The following DNAI1 variants were observed in gnomAD, a reference collection of about 807,000 sequenced individuals.
DNAI1 encodes the protein dynein axonemal intermediate chain 1, also known as dynein, axonemal, intermediate polypeptide 1.
A neutral mutation model predicts 92.0 loss-of-function variants in DNAI1; 67 were observed. The ratio of observed to expected loss-of-function variants is 0.73; its 90% CI spans 0.60 to 0.89. The LOEUF (loss-of-function observed/expected upper bound fraction) is 0.89, where lower values mean the gene tolerates loss of function less well. DNAI1 is among the 40% of genes least tolerant of loss of function. DNAI1 has a pLI of 0.00. For missense variants in DNAI1, 839 were observed against 866.6 expected (o/e 0.97, Z 0.40); for synonymous variants, 323 against 319.6 (o/e 1.01, Z -0.11).
chr9:34,517,483 C>T lies in DNAI1; in HGVS notation c.2001+16C>T, dbSNP rs1825192896. On this transcript the variant is annotated intron_variant, in intron 19 of 19. Transcript: ENST00000242317. ...GATGCCAAAGGTACAGGCTCTGGGA[C>T]TTTGAGCTGCTGCAAGACGTAAAGT... 3 of 1,613,986 alleles carry T rather than the reference C, an allele frequency of 1.9e-6. No individual in the cohort carries two copies. Among genetic ancestry groups the T allele is most frequent in the Non-Finnish European group, 8.5e-7 (1 of 1,180,010 alleles).
At chr9:34,459,883 T>G (rs1312193550) in intron 1 of DNAI1, among the ~76,000 whole-genome samples, 1 of 151,686 alleles carries the variant, frequency 6.6e-6, no homozygotes, top group Non-Finnish European at 1.5e-5. Flanking sequence ...TGTGCAGGAG[T>G]GTGATTTTAT....
chr9:34,500,898 C>A, intron 11 of DNAI1, 59 bp downstream of exon 11: 1 of 1,324,248 alleles, frequency 7.6e-7, no homozygotes, highest in Non-Finnish European at 1.1e-6. Flanking sequence ...ATCCCAAACC[C>A]CCAGTACCCC....
At chr9:34,496,664 G>C (rs1564035436) in intron 9 of DNAI1, among the ~76,000 whole-genome samples, 1 of 152,136 alleles carries the variant, frequency 6.6e-6, no homozygotes, top group Non-Finnish European at 1.5e-5. Context: ...CTGAGTAAGG[G>C]ATAAAACCAC....
rs9657620 is a variant in DNAI1 at position 34,512,554 on chromosome 9, G to A, written c.1489+130G>A. Reference sequence around the variant, plus strand: ...CTGTGCCAGGGCCTGACAGGAGATTGTAGGAAGGCCCGGCCCTGTCTGCTG... The same window carrying A: ...CTGTGCCAGGGCCTGACAGGAGATTATAGGAAGGCCCGGCCCTGTCTGCTG... On this transcript the variant is annotated intron_variant, in intron 15 of 19. Coordinates refer to ENST00000242317, the MANE Select transcript of DNAI1 (RefSeq NM_012144.4). 0.4 allele frequency: 356,408 copies of A among 896,828 alleles called. 73,660 individuals are homozygous for A. Among genetic ancestry groups the A allele is most frequent in the African/African-American group, 0.59 (35,394 of 60,380 alleles). The allele number at this position is 896,828 out of a possible 1,614,324, so 55.6% of individuals were successfully genotyped here.
intron 8 of DNAI1, 117 bp from the exon 9 acceptor site, chr9:34,493,077 G>A (rs1824640532): frequency 7.3e-7 from 1 of 1,373,818 alleles, no homozygotes; most frequent in Admixed American, 1.7e-5. Flanking sequence ...AGGCCAAGTA[G>A]AAGATGCTTG....
Position 34,493,233 on chromosome 9 carries a change from C to A in DNAI1, c.721C>A (p.Gln241Lys). The change falls in exon 9 of 20, where the codon CAG becomes AAG. Residue 241 changes from glutamine to lysine, a missense_variant. By Grantham distance (53) the Gln-to-Lys change is moderately conservative. Coordinates refer to ENST00000242317, the MANE Select transcript of DNAI1 (RefSeq NM_012144.4). ...YDAYVEELEKQEKTKEKEKAK... is the reference protein window; with the variant it reads ...YDAYVEELEKKEKTKEKEKAK... The stretch of plus-strand genomic sequence containing the variant: ...TGCCTATGTAGAGGAACTTGAGAAG[C>A]AGGAAAAGACCAAAGAGAAGGAGAA... The A allele has an allele frequency of 6.2e-7, 1 of 1,614,122 alleles. No individual in the cohort carries two copies.
At chr9:34,496,066 G>A (rs560778834) in intron 9 of DNAI1, among the ~76,000 whole-genome samples, 263 of 152,292 alleles carry the variant, frequency 1.7e-3, no homozygotes, top group African/African-American at 6.2e-3. Context: ...AACTGGGTTA[G>A]ACACTAACAT....
chr9:34,498,665 G>A (rs1824770842), intron 10 of DNAI1, among the ~76,000 whole-genome samples: 1 of 152,206 alleles, frequency 6.6e-6, no homozygotes, highest in South Asian at 2.1e-4. Context: ...ATTTCCCTAA[G>A]AGGTTGTGCA....
At chr9:34,498,413 G>A (rs1824766304) in intron 10 of DNAI1, among the ~76,000 whole-genome samples, 1 of 152,204 alleles carries the variant, frequency 6.6e-6, no homozygotes, top group Non-Finnish European at 1.5e-5. Flanking sequence ...TCGAACACAG[G>A]CCCCTTGGAT....
chr9:34,460,009 C>T (rs1302894396), intron 1 of DNAI1, among the ~76,000 whole-genome samples: 1 of 152,194 alleles, frequency 6.6e-6, no homozygotes, highest in Non-Finnish European at 1.5e-5. Flanking sequence ...CACTCTGCCC[C>T]AACTATTTCT....
chr9:34,458,904 T>C lies in DNAI1; in HGVS notation c.-102T>C. 1 of 1,048,138 alleles carries C rather than the reference T, an allele frequency of 9.5e-7. No individual in the cohort carries two copies. The highest frequency in any genetic ancestry group is 1.5e-6 in the Non-Finnish European group (1 of 671,866). 64.9% of individuals were successfully genotyped at this position (1,048,138 alleles called of 1,614,324 possible). A position where few individuals can be genotyped will look rare whatever the true frequency, so the allele number is the denominator to read the frequency against. ...CTAAAGAACCGTTGCGACTGGTAACTGAAGTGGAAGAGAGTCCAGATTTCT... is the reference window on the plus strand; with the variant it reads ...CTAAAGAACCGTTGCGACTGGTAACCGAAGTGGAAGAGAGTCCAGATTTCT... On this transcript the variant is annotated 5_prime_UTR_variant, in exon 1 of 20. Coordinates refer to ENST00000242317, the MANE Select transcript of DNAI1 (RefSeq NM_012144.4). The surrounding 1 kb of genome is among the most constrained non-coding windows in gnomAD (Gnocchi z 6.6).
chr9:34,483,847 A>G (rs1824421674), intron 2 of DNAI1, among the ~76,000 whole-genome samples: 2 of 152,226 alleles, frequency 1.3e-5, no homozygotes, highest in African/African-American at 4.8e-5. Flanking sequence ...AAATTACTAC[A>G]TAATATTTTA....
chr9:34,484,154 A>T (rs1370643051), intron 2 of DNAI1, among the ~76,000 whole-genome samples: 1 of 152,204 alleles, frequency 6.6e-6, no homozygotes, highest in Non-Finnish European at 1.5e-5. Flanking sequence ...GGTGGAGGTT[A>T]TAGTGAGCCG....
intron 1 of DNAI1, among the ~76,000 whole-genome samples, chr9:34,474,442 GC>G (rs1183939949): frequency 6.6e-6 from 1 of 150,928 alleles, no homozygotes; most frequent in Admixed American, 6.6e-5. Context: ...TCACTATGTT[GC>G]CCAGGCTGGT....
Position 34,485,525 on chromosome 9 carries a change from A to G in DNAI1, c.261+8A>G, listed in dbSNP as rs757264175. On this transcript the variant is annotated splice_region_variant and intron_variant, in intron 4 of 19. Coordinates refer to ENST00000242317, the MANE Select transcript of DNAI1 (RefSeq NM_012144.4). ...GTCAGGTACAGCTTCAAAGTAAGTCATCCCCTCCTGGGCAGGGGCATCTAT... is the reference window on the plus strand; with the variant it reads ...GTCAGGTACAGCTTCAAAGTAAGTCGTCCCCTCCTGGGCAGGGGCATCTAT... 1.2e-6 allele frequency: 2 copies of G among 1,613,946 alleles called. No individual in the cohort carries two copies. The highest frequency in any genetic ancestry group is 4.5e-5 in the East Asian group (2 of 44,882).
At position 34,500,785 on chromosome 9, in the gene DNAI1, T is replaced by G. The variant is rs1248446185; in HGVS notation, c.965T>G (p.Leu322Arg). The G allele has an allele frequency of 6.2e-7, 1 of 1,614,146 alleles. No individual in the cohort carries two copies. The highest frequency in any genetic ancestry group is 1.7e-5 in the Admixed American group (1 of 60,018). ...YRDQVGTLLPLWKFQNDKAKR... is the reference protein window; with the variant it reads ...YRDQVGTLLPRWKFQNDKAKR... The stretch of plus-strand genomic sequence containing the variant: ...GACCAGGTGGGTACCCTGCTGCCGC[T>G]CTGGAAGTTCCAAAATGACAAAGCC... The change falls in exon 11 of 20, where the codon CTC becomes CGC. Residue 322 changes from leucine (L) to arginine (R), a missense_variant. Leu to Arg is a moderately radical substitution (Grantham distance 102). Coordinates refer to ENST00000242317, the MANE Select transcript of DNAI1 (RefSeq NM_012144.4).
chr9:34,493,158 C>G (rs1205707936), intron 8 of DNAI1, 36 bp from the exon 9 acceptor site: 1 of 1,613,970 alleles, frequency 6.2e-7, no homozygotes, highest in South Asian at 1.1e-5. Context: ...AAAGATTGCA[C>G]CTTACAATGA....
At chr9:34,482,837 G>A (rs950707418) in intron 1 of DNAI1, among the ~76,000 whole-genome samples, 8 of 152,216 alleles carry the variant, frequency 5.3e-5, no homozygotes, top group South Asian at 2.1e-4. Flanking sequence ...GGGGAGGCTG[G>A]GGCCGCACAA....
intron 1 of DNAI1, among the ~76,000 whole-genome samples, chr9:34,470,361 C>G (rs2132044131): frequency 6.6e-6 from 1 of 152,046 alleles, no homozygotes; most frequent in South Asian, 2.1e-4. Context: ...TTGCCTGTTA[C>G]AAGAAATATA....
Sources: gnomAD v4.1 joint callset for allele counts (sites outside exome capture counted in the v4.1 genomes callset) on GRCh38, gnomAD v4.1.1 for gene constraint, Gnocchi (gnomAD v3.1) non-coding constraint, MANE v1.5 for transcripts, NCBI Gene and HGNC (gene_info 2026-07-23, HGNC 2026-07-21) for gene names.